The following TSPAN9 variants were observed in gnomAD, a reference collection of about 807,000 sequenced individuals.
TSPAN9 encodes the protein tetraspanin 9.
In TSPAN9, 16 loss-of-function variants were observed where a neutral mutation model predicts 31.0. That is an observed-to-expected ratio of 0.52 (90% CI 0.35 to 0.78). The LOEUF (loss-of-function observed/expected upper bound fraction) is 0.78, where lower values mean the gene tolerates loss of function less well. Among genes scored for constraint, TSPAN9 ranks in the 30% least tolerant of loss-of-function variants. The probability of loss-of-function intolerance (pLI) is 0.01; values close to 1 mark genes in which losing one functional copy is unlikely to be tolerated. For synonymous variants in TSPAN9, 145 were observed against 121.6 expected, an observed-to-expected ratio of 1.19 and a Z score of -1.27; for missense variants, 272 against 312.5, an observed-to-expected ratio of 0.87 and a Z score of 0.98.
rs2153981029 is a variant in TSPAN9 at position 3,281,191 on chromosome 12, T to C, written c.433-7T>C. 1 of 1,550,912 alleles carries C rather than the reference T, an allele frequency of 6.4e-7. No homozygotes were observed. Among genetic ancestry groups the C allele is most frequent in the Non-Finnish European group, 8.7e-7 (1 of 1,146,852 alleles). The stretch of plus-strand genomic sequence containing the variant: ...GTCTGACTGCCCCTTCCATTCCTGC[T>C]GGCCAGATGCGATGCTGTGGTGTCA... On this transcript the variant is annotated splice_region_variant and splice_polypyrimidine_tract_variant and intron_variant, in intron 6 of 8. Transcript: ENST00000011898.
chr12:3,102,055 G>A (rs569840329), intron 2 of TSPAN9, among the ~76,000 whole-genome samples: 1 of 152,308 alleles, frequency 6.6e-6, no homozygotes, highest in African/African-American at 2.4e-5. Flanking sequence ...TAGAGGCTCA[G>A]TTAGTAGTGG....
intron 2 of TSPAN9, among the ~76,000 whole-genome samples, chr12:3,196,644 C>A (rs1490363431): frequency 6.6e-6 from 1 of 152,116 alleles, no homozygotes; most frequent in Admixed American, 6.5e-5. Flanking sequence ...AGCTGAGTGC[C>A]CTGATGGGAC....
chr12:3,234,033 G>A (rs1178988059), intron 3 of TSPAN9, among the ~76,000 whole-genome samples: 1 of 152,224 alleles, frequency 6.6e-6, no homozygotes, highest in East Asian at 1.9e-4. Context: ...AATGGAGCTT[G>A]TGTAAACGTG....
At chr12:3,079,945 ATT>A (rs533753373) in intron 1 of TSPAN9, among the ~76,000 whole-genome samples, 4 of 140,268 alleles carry the variant, frequency 2.9e-5, no homozygotes, top group Non-Finnish European at 4.6e-5. Context: ...AATTAAAAAA[ATT>A]TTTTTTTTTT....
intron 2 of TSPAN9, among the ~76,000 whole-genome samples, chr12:3,137,603 G>T (rs1004178575): frequency 6.6e-6 from 1 of 152,088 alleles, no homozygotes; most frequent in Non-Finnish European, 1.5e-5. Context: ...GATGGAGGAG[G>T]GCTCTATCCC....
chr12:3,161,902 A>G (rs996989892), intron 2 of TSPAN9, among the ~76,000 whole-genome samples: 4 of 151,978 alleles, frequency 2.6e-5, no homozygotes, highest in African/African-American at 9.7e-5. Context: ...TGCAGCCTTG[A>G]ATGCTGGGGC....
At chr12:3,212,746 A>G (rs2098379416) in intron 3 of TSPAN9, among the ~76,000 whole-genome samples, 2 of 152,122 alleles carry the variant, frequency 1.3e-5, no homozygotes, top group South Asian at 4.1e-4. Flanking sequence ...AGCACCAGGT[A>G]TGGTGCTCAG....
At chr12:3,091,886 A>G (rs7977264) in intron 2 of TSPAN9, among the ~76,000 whole-genome samples, 81,067 of 151,664 alleles carry the variant, frequency 0.53, 22,062 homozygotes, top group South Asian at 0.66. Context: ...AGTATGGCCT[A>G]GCACTGCAGC....
At chr12:3,261,944 C>T (rs957550291) in intron 3 of TSPAN9, among the ~76,000 whole-genome samples, 4 of 152,312 alleles carry the variant, frequency 2.6e-5, no homozygotes, top group Admixed American at 6.5e-5. Flanking sequence ...CTTGGTGACC[C>T]GCTTTTTGCG....
intron 2 of TSPAN9, among the ~76,000 whole-genome samples, chr12:3,114,521 T>C (rs571599017): frequency 6.6e-6 from 1 of 152,252 alleles, no homozygotes; most frequent in South Asian, 2.1e-4. Context: ...GTGCTGTCTT[T>C]CTCATTAACA....
chr12:3,117,668 T>G (rs1389461172), intron 2 of TSPAN9, among the ~76,000 whole-genome samples: 1 of 152,182 alleles, frequency 6.6e-6, no homozygotes, highest in East Asian at 1.9e-4. Flanking sequence ...TCTTTGTAAT[T>G]GTGCTCCAGG....
intron 3 of TSPAN9, among the ~76,000 whole-genome samples, chr12:3,260,741 G>A (rs574999654): frequency 1.6e-4 from 24 of 152,216 alleles, no homozygotes; most frequent in Non-Finnish European, 2.9e-5. Context: ...CAGGGAGGGC[G>A]CAGGCCATGG....
rs561689219 is a variant in TSPAN9 at position 3,217,133 on chromosome 12, C to T, written c.63+15877C>T. The stretch of plus-strand genomic sequence containing the variant: ...TCTTTGGTGTTCCCAGGCTGCTATT[C>T]GTGGCTCTTTCCCTGCTGAGCTCTC... On this transcript the variant is annotated intron_variant, in intron 3 of 8. Transcript: ENST00000011898. Among the ~76,000 whole-genome samples, 11 of 152,324 alleles carry T rather than the reference C, an allele frequency of 7.2e-5. No individual in the cohort carries two copies. The South Asian group carries it at 1.7e-3, about 23-fold the overall frequency.
Position 3,081,840 on chromosome 12 carries a change from G to GTATATATATA in TSPAN9, c.-84-1812_-84-1811insATATATATAT, listed in dbSNP as rs1279686443. Among the ~76,000 whole-genome samples, 189 of 30,124 alleles carry GTATATATATA rather than the reference G, an allele frequency of 6.3e-3. 8 individuals are homozygous for GTATATATATA. Among genetic ancestry groups the GTATATATATA allele is most frequent in the East Asian group, 0.01 (6 of 592 alleles). 19.8% of individuals were successfully genotyped at this position (30,124 alleles called of 152,430 possible). A position where few individuals can be genotyped will look rare whatever the true frequency, so the allele number is the denominator to read the frequency against. On this transcript the variant is annotated intron_variant, in intron 1 of 8. Coordinates refer to ENST00000011898, the MANE Select transcript of TSPAN9 (RefSeq NM_006675.5). ...TGTGTGTGTGTGTGTGTGTGTCTGT[G>GTATATATATA]TGTGTATATATATGCCAGGTGTGGT... is the stretch of plus-strand genomic sequence containing the variant.
chr12:3,131,108 GTCATTT>G (rs535097090), intron 2 of TSPAN9, among the ~76,000 whole-genome samples: 37 of 144,062 alleles, frequency 2.6e-4, no homozygotes, highest in African/African-American at 8.9e-4. Context: ...CTCCATCTTT[GTCATTT>G]TCTCCACTTT....
intron 3 of TSPAN9, among the ~76,000 whole-genome samples, chr12:3,233,376 T>G (rs1422603088): frequency 6.6e-6 from 1 of 152,232 alleles, no homozygotes; most frequent in African/African-American, 2.4e-5. Flanking sequence ...CCTCTAGCCC[T>G]GCTCCGTCCC....
At chr12:3,167,402 G>T (rs2153969964) in intron 2 of TSPAN9, among the ~76,000 whole-genome samples, 1 of 152,328 alleles carries the variant, frequency 6.6e-6, no homozygotes, top group South Asian at 2.1e-4. Context: ...GGGATGATAG[G>T]TAAACATATA....
chr12:3,213,570 C>T (rs920933381), intron 3 of TSPAN9, among the ~76,000 whole-genome samples: 1 of 152,106 alleles, frequency 6.6e-6, no homozygotes, highest in Non-Finnish European at 1.5e-5. Context: ...ACTGAGTGCA[C>T]GAGGTGCTCA....
chr12:3,219,739 T>C (rs967454119), intron 3 of TSPAN9, among the ~76,000 whole-genome samples: 1 of 151,350 alleles, frequency 6.6e-6, no homozygotes, highest in South Asian at 2.1e-4. Context: ...GGGATAGCAT[T>C]AGGAGAAATA....
Sources: allele counts gnomAD v4.1 joint callset (sites outside exome capture counted in the v4.1 genomes callset), GRCh38; gene constraint gnomAD v4.1.1; transcripts MANE v1.5; gene names NCBI Gene and HGNC (gene_info 2026-07-23, HGNC 2026-07-21).